ZNF469: variants seen among roughly 807,000 people sequenced by gnomAD.
ZNF469 encodes zinc finger protein 469.
In ZNF469, 1 loss-of-function variant was observed where a neutral mutation model predicts 1.0. That is an observed-to-expected ratio of 1.00 (90% CI 0.35 to 4.73). The LOEUF is 4.73. Ranked by LOEUF, ZNF469 falls within the 30% of genes most tolerant of loss-of-function variation. The pLI is 0.16. For missense variants in ZNF469, 6,100 were observed against 5,356.3 expected, an observed-to-expected ratio of 1.14 and a Z score of -4.33; for synonymous variants, 2,703 against 2,363.4, an observed-to-expected ratio of 1.14 and a Z score of -4.17.
the ZNF469 span, among the ~76,000 whole-genome samples, chr16:88,251,739 A>G: frequency 6.6e-6 from 1 of 151,330 alleles, no homozygotes; most frequent in South Asian, 2.1e-4. Context: ...TTGTATTTTG[A>G]GTAAAGACAG....
At chr16:88,326,285 CAA>C in the ZNF469 span, among the ~76,000 whole-genome samples, 1 of 152,200 alleles carries the variant, frequency 6.6e-6, no homozygotes, top group African/African-American at 2.4e-5. Flanking sequence ...TTTCTCTGCA[CAA>C]ACTCATTCTT....
the ZNF469 span, among the ~76,000 whole-genome samples, chr16:88,117,824 G>C: frequency 2.0e-5 from 3 of 152,272 alleles, no homozygotes; most frequent in Non-Finnish European, 1.5e-5. Context: ...GAGGGAAGCT[G>C]TGTGAAGGTG....
rs1336274454 is a variant in ZNF469 at position 88,438,681 on chromosome 16, C to T, written c.11211C>T (p.Ser3737=). The change falls in exon 3 of 3, where the codon AGC becomes AGT. Residue 3737 remains serine (S), a synonymous_variant. Transcript: ENST00000565624. ...GCCCCAGCTCCCAGGGCAGTGGAAG[C>T]CCTCGCCCCGGCACCAAGACAGGAG... The part of the protein sequence containing the change: ...KPGPSSQGSG[S]PRPGTKTGGG... The T allele has an allele frequency of 6.5e-7, 1 of 1,550,060 alleles. No homozygotes were observed. Among genetic ancestry groups the T allele is most frequent in the Non-Finnish European group, 8.7e-7 (1 of 1,146,860 alleles).
At chr16:88,256,675 A>G in the ZNF469 span, among the ~76,000 whole-genome samples, 3 of 152,244 alleles carry the variant, frequency 2.0e-5, no homozygotes, top group South Asian at 6.2e-4. Context: ...CCCATCAGCA[A>G]TGAGTGAGAG....
chr16:88,222,330 C>G, the ZNF469 span, among the ~76,000 whole-genome samples: 540 of 152,202 alleles, frequency 3.5e-3, 3 homozygotes, highest in African/African-American at 0.011. Flanking sequence ...GCTCAGTTGC[C>G]CAGGCTGGAA....
Position 88,440,198 on chromosome 16 carries a change from T to C in ZNF469, c.*866T>C, listed in dbSNP as rs1325527862. The C allele has an allele frequency of 6.6e-6, 1 of 152,222 alleles. No individual in the cohort carries two copies. Among genetic ancestry groups the C allele is most frequent in the Admixed American group, 6.5e-5 (1 of 15,284 alleles). The allele number at this position is 152,222 out of a possible 1,614,324, so 9.4% of individuals were successfully genotyped here. A position where few individuals can be genotyped will look rare whatever the true frequency, so the allele number is the denominator to read the frequency against. On this transcript the variant is annotated 3_prime_UTR_variant, in exon 3 of 3. Transcript: ENST00000565624. ...TGAATACAGGCTTCCTTGATTTTTT[T>C]TTTTAATGGGGGTATTGGGTGGGAC...
At chr16:88,399,377 C>G (rs1904790227) in intron 1 of ZNF469, among the ~76,000 whole-genome samples, 1 of 152,214 alleles carries the variant, frequency 6.6e-6, no homozygotes, top group African/African-American at 2.4e-5. Flanking sequence ...GAGACTGGGA[C>G]CACATTCAAT....
chr16:88,413,516 C>G (rs1267278203), intron 1 of ZNF469, among the ~76,000 whole-genome samples: 1 of 152,254 alleles, frequency 6.6e-6, no homozygotes, highest in African/African-American at 2.4e-5. Context: ...CAGCCCTGCT[C>G]AGCCCCACTG....
the ZNF469 span, among the ~76,000 whole-genome samples, chr16:88,260,755 A>G: frequency 1.3e-5 from 2 of 152,156 alleles, no homozygotes; most frequent in Non-Finnish European, 2.9e-5. This position sits in a 1 kb window ranked among gnomAD's most constrained non-coding sequence, Gnocchi z 4.1. Context: ...TGTGAATGCT[A>G]CTTTACACAG....
At chr16:88,112,760 G>A in the ZNF469 span, among the ~76,000 whole-genome samples, 1 of 143,180 alleles carries the variant, frequency 7.0e-6, no homozygotes, top group Non-Finnish European at 1.5e-5. Flanking sequence ...TGCTCTCTCT[G>A]CTGTGCAGAA....
At chr16:88,229,769 T>C in the ZNF469 span, among the ~76,000 whole-genome samples, 7 of 152,038 alleles carry the variant, frequency 4.6e-5, no homozygotes, top group African/African-American at 1.7e-4. Context: ...ACCAACAAAC[T>C]GCTTCCCACA....
chr16:88,214,189 T>C, the ZNF469 span, among the ~76,000 whole-genome samples: 1 of 152,170 alleles, frequency 6.6e-6, no homozygotes, highest in Non-Finnish European at 1.5e-5. Flanking sequence ...CTCTATTCCA[T>C]AAAGAGGATA....
chr16:88,243,516 G>A, the ZNF469 span, among the ~76,000 whole-genome samples: 129 of 152,294 alleles, frequency 8.5e-4, no homozygotes, highest in Non-Finnish European at 1.6e-3. Flanking sequence ...CCCCAAGACT[G>A]CATTTCTCAA....
intron 1 of ZNF469, among the ~76,000 whole-genome samples, chr16:88,411,003 G>A (rs574051718): frequency 9.2e-5 from 14 of 152,228 alleles, no homozygotes; most frequent in Admixed American, 2.6e-4. Context: ...TCCTGCGTCC[G>A]TCTCCCTTCT....
At chr16:88,208,714 G>T in the ZNF469 span, among the ~76,000 whole-genome samples, 1 of 150,386 alleles carries the variant, frequency 6.6e-6, no homozygotes, top group African/African-American at 2.5e-5. Flanking sequence ...GACAAGATAG[G>T]ACAAGAAAAG....
At chr16:88,350,974 A>T in the ZNF469 span, among the ~76,000 whole-genome samples, 6 of 152,226 alleles carry the variant, frequency 3.9e-5, no homozygotes, top group Non-Finnish European at 8.8e-5. Context: ...GGAGGAATAA[A>T]TGTGTGTTCC....
the ZNF469 span, among the ~76,000 whole-genome samples, chr16:88,195,408 T>C: frequency 6.6e-6 from 1 of 152,162 alleles, no homozygotes; most frequent in Non-Finnish European, 1.5e-5. Context: ...CGAAAATCCA[T>C]GATTCAGTTC....
the ZNF469 span, among the ~76,000 whole-genome samples, chr16:88,217,748 A>G: frequency 9.7e-6 from 1 of 102,918 alleles, no homozygotes; most frequent in Non-Finnish European, 2.0e-5. Context: ...AATTTCATCC[A>G]TGTCCCTACA....
At chr16:88,310,673 C>G in the ZNF469 span, among the ~76,000 whole-genome samples, 1 of 152,156 alleles carries the variant, frequency 6.6e-6, no homozygotes, top group South Asian at 2.1e-4. Flanking sequence ...ACCTCCACCT[C>G]CTGGGTTCAA....
Sources: gnomAD v4.1 joint callset for allele counts (sites outside exome capture counted in the v4.1 genomes callset) on GRCh38, gnomAD v4.1.1 for gene constraint, Gnocchi (gnomAD v3.1) non-coding constraint, MANE v1.5 for transcripts, NCBI Gene and HGNC (gene_info 2026-07-23, HGNC 2026-07-21) for gene names.